Variants in SEMA3C observed in about 807,000 individuals in gnomAD.
SEMA3C encodes the protein semaphorin-3C.
A neutral mutation model predicts 89.4 loss-of-function variants in SEMA3C; 47 were observed. The ratio of observed to expected loss-of-function variants is 0.53; its 90% CI spans 0.42 to 0.67. The LOEUF (loss-of-function observed/expected upper bound fraction) is 0.67, where lower values mean the gene tolerates loss of function less well. Ranked by LOEUF, SEMA3C falls within the 30% of genes least tolerant of loss-of-function variation. The probability of loss-of-function intolerance (pLI) is 0.00; values close to 1 mark genes in which losing one functional copy is unlikely to be tolerated. For synonymous variants in SEMA3C, 310 were observed against 320.2 expected, an observed-to-expected ratio of 0.97 and a Z score of 0.34; for missense variants, 839 against 929.1, an observed-to-expected ratio of 0.90 and a Z score of 1.26.
chr7:80,809,193 A>G (rs978786046), intron 6 of SEMA3C, among the ~76,000 whole-genome samples: 2 of 152,268 alleles, frequency 1.3e-5, no homozygotes, highest in East Asian at 1.9e-4. Flanking sequence ...TCATTAAGCA[A>G]TTAGGCCCGC....
At chr7:80,858,328 T>A (rs1790689568) in intron 2 of SEMA3C, among the ~76,000 whole-genome samples, 1 of 152,168 alleles carries the variant, frequency 6.6e-6, no homozygotes, top group Non-Finnish European at 1.5e-5. Context: ...ATATACATCA[T>A]GACAGACCAA....
At chr7:80,745,985 A>T (rs1393364276) in intron 17 of SEMA3C, among the ~76,000 whole-genome samples, 1 of 152,148 alleles carries the variant, frequency 6.6e-6, no homozygotes, top group Admixed American at 6.5e-5. Context: ...TAATTACTTT[A>T]TAGGTTTTAC....
At chr7:80,771,452 C>T (rs1482388195) in intron 12 of SEMA3C, among the ~76,000 whole-genome samples, 1 of 152,180 alleles carries the variant, frequency 6.6e-6, no homozygotes, top group African/African-American at 2.4e-5. Flanking sequence ...AAGAAAATTT[C>T]CTAGACAGTC....
chr7:80,857,716 A>G (rs185752131), intron 2 of SEMA3C, among the ~76,000 whole-genome samples: 94 of 152,238 alleles, frequency 6.2e-4, no homozygotes, highest in African/African-American at 2.1e-3. Flanking sequence ...ATAAAAGGAG[A>G]GTAATATTGG....
chr7:80,895,601 C>T (rs1006160127), intron 2 of SEMA3C, among the ~76,000 whole-genome samples: 1 of 152,142 alleles, frequency 6.6e-6, no homozygotes, highest in Non-Finnish European at 1.5e-5. Context: ...ACACATCACA[C>T]TACACATGTG....
At chr7:80,769,763 G>C (rs567933480) in intron 12 of SEMA3C, among the ~76,000 whole-genome samples, 1 of 149,950 alleles carries the variant, frequency 6.7e-6, no homozygotes. Flanking sequence ...AGAGGCTGAG[G>C]CATGAGAATC....
At position 80,743,435 on chromosome 7, in the gene SEMA3C, A is replaced by G. The variant is rs1235965920; in HGVS notation, c.*1459T>C. The G allele has an allele frequency of 1.3e-5, 2 of 151,884 alleles. No homozygotes were observed. Among genetic ancestry groups the G allele is most frequent in the South Asian group, 2.1e-4 (1 of 4,834 alleles). The allele number at this position is 151,884 out of a possible 1,614,324, so 9.4% of individuals were successfully genotyped here. ...ATAATCTACTTTAATTACCTTCATC[A>G]TAGATTATTAACTATAAATAAAATG... is the stretch of plus-strand genomic sequence containing the variant. On this transcript the variant is annotated 3_prime_UTR_variant, in exon 18 of 18. Coordinates refer to ENST00000265361, the MANE Select transcript of SEMA3C (RefSeq NM_006379.5).
intron 2 of SEMA3C, among the ~76,000 whole-genome samples, chr7:80,885,831 T>C (rs977931692): frequency 3.3e-5 from 5 of 152,214 alleles, no homozygotes; most frequent in Non-Finnish European, 7.3e-5. Context: ...CCAAAAATAC[T>C]GCATGTACAT....
chr7:80,831,069 C>G (rs1353270083), intron 2 of SEMA3C, among the ~76,000 whole-genome samples: 1 of 152,180 alleles, frequency 6.6e-6, no homozygotes, highest in African/African-American at 2.4e-5. Flanking sequence ...TTGTGTAAGT[C>G]TTCTGTAAAA....
At chr7:80,802,857 G>A in intron 8 of SEMA3C, 78 bp from the exon 9 acceptor site, 2 of 946,950 alleles carry the variant, frequency 2.1e-6, no homozygotes, top group Non-Finnish European at 3.3e-6. Context: ...TTGTACTCTA[G>A]TTGCTTGGAG....
chr7:80,749,442 G>T (rs1054282420), intron 16 of SEMA3C, among the ~76,000 whole-genome samples: 1 of 152,166 alleles, frequency 6.6e-6, no homozygotes, highest in African/African-American at 2.4e-5. Context: ...CCGAAGCCAG[G>T]TTTATCCCAT....
At chr7:80,854,396 T>C (rs952701944) in intron 2 of SEMA3C, among the ~76,000 whole-genome samples, 1 of 152,162 alleles carries the variant, frequency 6.6e-6, no homozygotes, top group Non-Finnish European at 1.5e-5. Flanking sequence ...TCTTGCCAAG[T>C]GGAGGTGCTT....
chr7:80,775,501 G>A (rs931977529), intron 12 of SEMA3C, among the ~76,000 whole-genome samples: 3 of 152,060 alleles, frequency 2.0e-5, no homozygotes, highest in Admixed American at 1.3e-4. Flanking sequence ...TCTAATCCCT[G>A]TATTAAGTAG....
Position 80,896,941 on chromosome 7 carries a change from C to T in SEMA3C, c.103+19738G>A, listed in dbSNP as rs561402882. ...TCTCCTGATGCTCCGTCTCGTGTTC[C>T]GATCTCAAAAGAAAGGAAACCCGGT... On this transcript the variant is annotated intron_variant, in intron 2 of 17. Transcript: ENST00000265361. 2.2e-3 allele frequency among the ~76,000 whole-genome samples: 330 copies of T among 152,174 alleles called. 2 individuals carry two copies. Among genetic ancestry groups the T allele is most frequent in the African/African-American group, 7.6e-3 (314 of 41,502 alleles).
At chr7:80,907,684 G>C (rs1792047690) in intron 2 of SEMA3C, among the ~76,000 whole-genome samples, 1 of 152,020 alleles carries the variant, frequency 6.6e-6, no homozygotes, top group Admixed American at 6.6e-5. Context: ...GTTTAGTTGT[G>C]AATACAGAAC....
intron 2 of SEMA3C, among the ~76,000 whole-genome samples, chr7:80,831,897 A>G (rs1306500830): frequency 6.6e-6 from 1 of 152,202 alleles, no homozygotes; most frequent in African/African-American, 2.4e-5. Flanking sequence ...GGAGATCTGA[A>G]AAGGAGATAT....
At chr7:80,837,474 C>G (rs1342430531) in intron 2 of SEMA3C, among the ~76,000 whole-genome samples, 1 of 152,146 alleles carries the variant, frequency 6.6e-6, no homozygotes, top group Non-Finnish European at 1.5e-5. Flanking sequence ...ATTATTGGGG[C>G]AAACAGGAAA....
intron 2 of SEMA3C, among the ~76,000 whole-genome samples, chr7:80,856,172 C>A (rs1015977347): frequency 6.6e-6 from 1 of 151,796 alleles, no homozygotes; most frequent in Non-Finnish European, 1.5e-5. Flanking sequence ...GGTAAAAATT[C>A]ACTGTTCTTC....
chr7:80,753,182 A>G (rs1231409413), intron 15 of SEMA3C, among the ~76,000 whole-genome samples: 1 of 152,202 alleles, frequency 6.6e-6, no homozygotes, highest in Non-Finnish European at 1.5e-5. Context: ...ATTTCTGTAC[A>G]CACGAAAACA....
Sources: gnomAD v4.1 joint callset for allele counts (sites outside exome capture counted in the v4.1 genomes callset) on GRCh38, gnomAD v4.1.1 for gene constraint, MANE v1.5 for transcripts, NCBI Gene and HGNC (gene_info 2026-07-23, HGNC 2026-07-21) for gene names.